The following ATP10B variants were observed in gnomAD, a reference collection of about 807,000 sequenced individuals.
ATP10B encodes ATPase phospholipid transporting 10B (putative).
A neutral mutation model predicts 141.2 loss-of-function variants in ATP10B; 122 were observed. The observed-to-expected ratio is 0.86, with a 90% confidence interval of 0.75 to 1.00. The LOEUF (loss-of-function observed/expected upper bound fraction) is 1.00, where lower values mean the gene tolerates loss of function less well. Ranked by LOEUF, ATP10B falls within the 50% of genes least tolerant of loss-of-function variation. The probability of loss-of-function intolerance (pLI) is 0.00; values close to 1 mark genes in which losing one functional copy is unlikely to be tolerated. For missense variants in ATP10B, 1,876 were observed against 1,825.3 expected (o/e 1.03, Z -0.51); for synonymous variants, 685 against 692.0 (o/e 0.99, Z 0.16).
chr5:160,781,475 A>G (rs1012436924), intron 2 of ATP10B, among the ~76,000 whole-genome samples: 14 of 152,142 alleles, frequency 9.2e-5, no homozygotes, highest in African/African-American at 3.4e-4. Flanking sequence ...CCAGACAGAC[A>G]TTAAGTGAGT....
intron 2 of ATP10B, among the ~76,000 whole-genome samples, chr5:160,767,886 G>C (rs1280478895): frequency 6.6e-6 from 1 of 152,082 alleles, no homozygotes; most frequent in Non-Finnish European, 1.5e-5. Context: ...TTCCCTTAAA[G>C]ATGGGTGTTT....
intron 2 of ATP10B, among the ~76,000 whole-genome samples, chr5:160,756,390 A>C (rs1188527990): frequency 2.0e-5 from 3 of 152,192 alleles, no homozygotes; most frequent in African/African-American, 7.2e-5. Context: ...ATAAATACTT[A>C]GGAGGGCAAT....
In ATP10B at chr5:160,632,201, C is replaced by T. The variant is rs756350041; in HGVS notation, c.1548G>A (p.Gln516=). 9 of 1,614,188 alleles carry T rather than the reference C, an allele frequency of 5.6e-6. No individual in the cohort carries two copies. The Admixed American group carries it at 6.7e-5, about 12-fold the overall frequency. The change falls in exon 13 of 26, where the codon CAG becomes CAA. Residue 516 remains glutamine, a synonymous_variant. Transcript: ENST00000327245. ...CCATAGACCTTTGCCGGTAGTGGCCCTGGATGGGCACCCGGGCACTCTGGC... is the reference window on the plus strand; with the variant it reads ...CCATAGACCTTTGCCGGTAGTGGCCTTGGATGGGCACCCGGGCACTCTGGC... ...RRSQSARVPI[Q]GHYRQRSMGH... is the part of the protein sequence containing the mutation.
chr5:160,919,545 G>A, the ATP10B span, among the ~76,000 whole-genome samples: 1 of 152,196 alleles, frequency 6.6e-6, no homozygotes, highest in Admixed American at 6.5e-5. Flanking sequence ...TTTCATAGCA[G>A]TGAGAAGCTC....
chr5:160,895,447 A>G, the ATP10B span, among the ~76,000 whole-genome samples: 7 of 152,204 alleles, frequency 4.6e-5, no homozygotes, highest in African/African-American at 1.7e-4. Flanking sequence ...AGACAAAAAA[A>G]GACAAGGGCA....
chr5:160,599,045 G>A, intron 21 of ATP10B, 75 bp from the exon 22 acceptor site: 1 of 1,409,196 alleles, frequency 7.1e-7, no homozygotes, highest in Non-Finnish European at 9.9e-7. Context: ...TGGGACCTCT[G>A]GGAGCTGCTG....
intron 2 of ATP10B, among the ~76,000 whole-genome samples, chr5:160,782,295 G>A (rs1043601618): frequency 6.6e-6 from 1 of 152,132 alleles, no homozygotes; most frequent in Non-Finnish European, 1.5e-5. Flanking sequence ...ACAGAGAGAC[G>A]TTGCTGAAGT....
upstream of ATP10B, among the ~76,000 whole-genome samples, chr5:160,856,101 A>G (rs757100048): frequency 6.6e-6 from 1 of 151,700 alleles, no homozygotes; most frequent in Non-Finnish European, 1.5e-5. Flanking sequence ...TCTTGTCTGT[A>G]CCTAGAAAAA....
chr5:160,640,688 G>A (rs1759787596), intron 9 of ATP10B, 96 bp from the exon 10 acceptor site: 1 of 1,487,726 alleles, frequency 6.7e-7, no homozygotes, highest in African/African-American at 1.4e-5. Flanking sequence ...TAAGATAAAA[G>A]AGAGGCTTCA....
At chr5:160,649,369 T>C (rs1015998829) in intron 7 of ATP10B, 113 bp from the exon 8 acceptor site, 2 of 732,812 alleles carry the variant, frequency 2.7e-6, no homozygotes, top group East Asian at 2.7e-5. Context: ...AATCCATGCT[T>C]TGTCACACTT....
intron 14 of ATP10B, 99 bp from the exon 15 acceptor site, chr5:160,621,049 A>C: frequency 7.1e-7 from 1 of 1,413,402 alleles, no homozygotes; most frequent in Non-Finnish European, 9.5e-7. Flanking sequence ...CAATAAGTGA[A>C]GCCAGATATT....
At chr5:160,715,221 CT>C (rs1354352969) in intron 3 of ATP10B, among the ~76,000 whole-genome samples, 1 of 131,988 alleles carries the variant, frequency 7.6e-6, no homozygotes, top group Non-Finnish European at 1.6e-5. Context: ...AGCCTCGTTG[CT>C]GCCTTGCAGT....
chr5:160,910,928 C>T, the ATP10B span, among the ~76,000 whole-genome samples: 1 of 152,134 alleles, frequency 6.6e-6, no homozygotes, highest in Non-Finnish European at 1.5e-5. Flanking sequence ...TGCCTTTTTC[C>T]TGGGCGTAAG....
chr5:160,598,632 C>T (rs1367654954), intron 22 of ATP10B, 138 bp downstream of exon 22: 7 of 781,796 alleles, frequency 9.0e-6, no homozygotes, highest in Non-Finnish European at 1.3e-5. Context: ...AGGAGTTACT[C>T]AAAGTAAATG....
intron 1 of ATP10B, among the ~76,000 whole-genome samples, chr5:160,816,696 G>C (rs899060784): frequency 4.6e-5 from 7 of 151,734 alleles, no homozygotes; most frequent in African/African-American, 9.7e-5. Flanking sequence ...AGAGACACAA[G>C]AAAAAAAGAG....
At chr5:160,644,302 G>GACAGCAA in intron 8 of ATP10B, 58 bp from the exon 9 acceptor site, 2 of 1,203,950 alleles carry the variant, frequency 1.7e-6, no homozygotes, top group Non-Finnish European at 2.5e-6. Flanking sequence ...TGCTGTCACT[G>GACAGCAA]GGTACTGTCA....
intron 2 of ATP10B, among the ~76,000 whole-genome samples, chr5:160,731,417 G>A (rs1458570117): frequency 6.6e-6 from 1 of 152,230 alleles, no homozygotes; most frequent in Non-Finnish European, 1.5e-5. Context: ...CTTTGCAAGA[G>A]TTTGACTGGT....
intron 20 of ATP10B, 65 bp downstream of exon 20, chr5:160,603,900 T>C (rs2127628188): frequency 6.9e-7 from 1 of 1,443,580 alleles, no homozygotes; most frequent in Non-Finnish European, 9.7e-7. Flanking sequence ...TCTCCAACAC[T>C]CTGGATATTT....
the ATP10B span, among the ~76,000 whole-genome samples, chr5:160,900,372 G>A: frequency 4.4e-3 from 664 of 152,226 alleles, 4 homozygotes; most frequent in African/African-American, 0.015. Context: ...CACAGGAAAC[G>A]GTTTCTGTCA....
Sources: allele counts gnomAD v4.1 joint callset (sites outside exome capture counted in the v4.1 genomes callset), GRCh38; gene constraint gnomAD v4.1.1; transcripts MANE v1.5; gene names NCBI Gene and HGNC (gene_info 2026-07-23, HGNC 2026-07-21).